ERC2: variants seen among roughly 807,000 people sequenced by gnomAD.
ERC2 encodes ERC protein 2.
In ERC2, 42 loss-of-function variants were observed where a neutral mutation model predicts 114.8. That is an observed-to-expected ratio of 0.37 (90% CI 0.29 to 0.47). The LOEUF is 0.47. Ranked by LOEUF, ERC2 falls within the 20% of genes least tolerant of loss-of-function variation. ERC2 has a pLI of 0.99. For synonymous variants in ERC2, 454 were observed against 425.5 expected (o/e 1.07, Z -0.82); for missense variants, 939 against 1,150.7 (o/e 0.82, Z 2.66).
intron 1 of ERC2, 111 bp from the exon 2 acceptor site, chr3:56,435,258 TTAA>T (rs1480741926): frequency 2.5e-6 from 1 of 394,440 alleles, no homozygotes; most frequent in Non-Finnish European, 4.6e-6. Context: ...AGATAGGTGA[TTAA>T]TAATAGACAG....
At chr3:55,944,959 TGAG>T (rs2067037077) in intron 13 of ERC2, among the ~76,000 whole-genome samples, 1 of 152,218 alleles carries the variant, frequency 6.6e-6, no homozygotes, top group African/African-American at 2.4e-5. Context: ...AAAAATTAGA[TGAG>T]GGTCAGTTCA....
intron 17 of ERC2, among the ~76,000 whole-genome samples, chr3:55,529,477 G>A (rs780229243): frequency 2.6e-5 from 4 of 152,152 alleles, no homozygotes; most frequent in Non-Finnish European, 5.9e-5. Context: ...GCAGTTCCAA[G>A]AGTAGCCTAA....
intron 2 of ERC2, among the ~76,000 whole-genome samples, chr3:56,343,236 C>T (rs1413108879): frequency 2.0e-5 from 2 of 99,956 alleles, no homozygotes; most frequent in Middle Eastern, 5.2e-3. Flanking sequence ...TACACACATA[C>T]ACAAACACAC....
intron 4 of ERC2, among the ~76,000 whole-genome samples, chr3:56,153,250 T>C (rs2081525502): frequency 6.6e-6 from 1 of 152,154 alleles, no homozygotes. Flanking sequence ...AGAAGATCCA[T>C]GGGCATCCTT....
rs1442540463 is a variant in ERC2, at chr3:56,017,165, T to TC, written c.1779+1728dup. Among the ~76,000 whole-genome samples, 6 of 152,182 alleles carry TC rather than the reference T, an allele frequency of 3.9e-5. No homozygotes were observed. The East Asian group carries it at 1.2e-3, about 29-fold the overall frequency. On this transcript the variant is annotated intron_variant, in intron 8 of 17. Coordinates refer to ENST00000288221, the MANE Select transcript of ERC2 (RefSeq NM_015576.3). ...CCATGTCCAACCAACAAACAAGCCG[T>TC]CCCTCCTGAGAATTCCTAGAGAACT...
chr3:56,078,358 GTT>G (rs999747016), intron 7 of ERC2, among the ~76,000 whole-genome samples: 2 of 152,122 alleles, frequency 1.3e-5, no homozygotes, highest in African/African-American at 4.8e-5. Context: ...ATCTAACTTT[GTT>G]TTTAAAATGT....
At chr3:55,936,934 A>G (rs558760611) in intron 13 of ERC2, among the ~76,000 whole-genome samples, 9 of 152,344 alleles carry the variant, frequency 5.9e-5, no homozygotes, top group Middle Eastern at 6.8e-3. Context: ...AAGTACTACC[A>G]TCACCCGAAA....
chr3:55,667,495 G>A (rs1439604959), intron 17 of ERC2, among the ~76,000 whole-genome samples: 1 of 152,108 alleles, frequency 6.6e-6, no homozygotes, highest in East Asian at 1.9e-4. Flanking sequence ...CTGGCTATTT[G>A]TGCACATGCT....
chr3:55,871,352 A>T (rs2149283180), intron 14 of ERC2, among the ~76,000 whole-genome samples: 1 of 152,294 alleles, frequency 6.6e-6, no homozygotes, highest in African/African-American at 2.4e-5. Context: ...AGCCAATGTG[A>T]TGCTTAAGAA....
chr3:55,877,811 T>TG (rs2062933311), intron 14 of ERC2, among the ~76,000 whole-genome samples: 2 of 152,058 alleles, frequency 1.3e-5, no homozygotes, highest in Admixed American at 1.3e-4. Context: ...TCCTTCAGGA[T>TG]TTGATGTGTG....
intron 14 of ERC2, among the ~76,000 whole-genome samples, chr3:55,812,180 A>C (rs80271846): frequency 0.14 from 21,693 of 152,234 alleles, 1,745 homozygotes; most frequent in East Asian, 0.23. Flanking sequence ...TGAAATCGGA[A>C]GCTGTGCTAA....
intron 3 of ERC2, 167 bp from the exon 4 acceptor site, chr3:56,173,687 A>T: frequency 1.7e-6 from 1 of 578,246 alleles, no homozygotes; most frequent in South Asian, 2.3e-5. Flanking sequence ...TCCTGCCTGG[A>T]GCCTGCGTTC....
chr3:56,165,046 T>G (rs779765385), intron 4 of ERC2, among the ~76,000 whole-genome samples: 2 of 152,004 alleles, frequency 1.3e-5, no homozygotes, highest in African/African-American at 4.8e-5. Context: ...AAATGATGAA[T>G]TGTGGTCAAG....
intron 17 of ERC2, among the ~76,000 whole-genome samples, chr3:55,646,250 C>T (rs1435911089): frequency 6.6e-6 from 1 of 152,210 alleles, no homozygotes; most frequent in African/African-American, 2.4e-5. Flanking sequence ...AACCTGTTCA[C>T]GCATTCCTTT....
At chr3:55,888,679 G>A in intron 13 of ERC2, 130 bp from the exon 14 acceptor site, 1 of 1,085,794 alleles carries the variant, frequency 9.2e-7, no homozygotes, top group Non-Finnish European at 1.3e-6. Context: ...GCTGTGTCTT[G>A]GAGCCCTTTC....
intron 17 of ERC2, among the ~76,000 whole-genome samples, chr3:55,586,177 G>A (rs1446188297): frequency 6.6e-6 from 1 of 152,112 alleles, no homozygotes; most frequent in Non-Finnish European, 1.5e-5. Context: ...GAGGGTTGGG[G>A]AAAGGACCAC....
At chr3:56,221,582 C>T (rs1490476822) in intron 3 of ERC2, among the ~76,000 whole-genome samples, 2 of 152,170 alleles carry the variant, frequency 1.3e-5, no homozygotes, top group Admixed American at 6.5e-5. Flanking sequence ...TACCTACCTC[C>T]ATGTAAACAT....
At chr3:55,544,842 T>C (rs1417035706) in intron 17 of ERC2, among the ~76,000 whole-genome samples, 1 of 152,234 alleles carries the variant, frequency 6.6e-6, no homozygotes, top group South Asian at 2.1e-4. Flanking sequence ...TACCTCATCA[T>C]ATCCTCAAAC....
chr3:55,532,026 T>C (rs998309795), intron 17 of ERC2, among the ~76,000 whole-genome samples: 2 of 152,232 alleles, frequency 1.3e-5, no homozygotes, highest in Non-Finnish European at 2.9e-5. Flanking sequence ...GGCTGCTTTA[T>C]ACCAAGACTA....
Sources: gnomAD v4.1 joint callset for allele counts (sites outside exome capture counted in the v4.1 genomes callset) on GRCh38, gnomAD v4.1.1 for gene constraint, MANE v1.5 for transcripts, NCBI Gene and HGNC (gene_info 2026-07-23, HGNC 2026-07-21) for gene names.